SHANK2: variants seen among roughly 807,000 people sequenced by gnomAD.
SHANK2 encodes the protein SH3 and multiple ankyrin repeat domains protein 2.
SHANK2 carries 43 observed loss-of-function variants against 133.7 expected under a neutral mutation model. The ratio of observed to expected loss-of-function variants is 0.32; its 90% CI spans 0.25 to 0.41. The LOEUF (loss-of-function observed/expected upper bound fraction) is 0.41, where lower values mean the gene tolerates loss of function less well. SHANK2 is among the 10% of genes least tolerant of loss of function. The pLI is 1.00. For synonymous variants in SHANK2, 1,017 were observed against 952.8 expected, an observed-to-expected ratio of 1.07 and a Z score of -1.24; for missense variants, 1,994 against 2,235.8, an observed-to-expected ratio of 0.89 and a Z score of 2.18.
chr11:70,817,142 C>G (rs1555054571), intron 12 of SHANK2, among the ~76,000 whole-genome samples: 1 of 152,228 alleles, frequency 6.6e-6, no homozygotes, highest in African/African-American at 2.4e-5. Context: ...AGAAGCATGC[C>G]TGCCTCCAAC....
chr11:70,486,874 T>C lies in SHANK2; in HGVS notation c.3419A>G (p.Gln1140Arg). The C allele has an allele frequency of 6.2e-7, 1 of 1,612,754 alleles. No homozygotes were observed. The highest frequency in any genetic ancestry group is 8.5e-7 in the Non-Finnish European group (1 of 1,179,924). The stretch of plus-strand genomic sequence containing the variant: ...GGCACTCGGCATGGGGGATGACAGC[T>C]GCTCAGCGCTGTCCTCGTCAGCAAA... ...GDFADEDSAE[Q>R]LSSPMPSATP... Residue 1140 changes from glutamine to arginine, a missense_variant, in exon 25 of 26, where the codon CAG becomes CGG. This residue lies in a region of SHANK2 where 797 missense variants were observed against 907.4 expected (regional missense o/e 0.88). Transcript: ENST00000601538. The surrounding 1 kb of genome is among the most constrained non-coding windows in gnomAD (Gnocchi z 8.0).
rs1398523984 is a variant in SHANK2, at chr11:71,175,491, G to C, written c.-12-28153C>G. Among the ~76,000 whole-genome samples, 1 of 150,658 alleles carries C rather than the reference G, an allele frequency of 6.6e-6. No homozygotes were observed. Among genetic ancestry groups the C allele is most frequent in the Admixed American group, 6.6e-5 (1 of 15,070 alleles). On this transcript the variant is annotated intron_variant, in intron 2 of 25. Transcript: ENST00000601538. This position sits in a 1 kb window ranked among gnomAD's most constrained non-coding sequence, Gnocchi z 4.2. ...GACCAAGGCTGGTGAAAGAGAAGTG[G>C]GGACAAAAAAGGCAGAGGGGCAGAA...
intron 12 of SHANK2, among the ~76,000 whole-genome samples, chr11:70,812,414 C>G (rs1948298534): frequency 6.6e-6 from 1 of 152,216 alleles, no homozygotes; most frequent in Admixed American, 6.5e-5. Flanking sequence ...CCCACAAAGG[C>G]AGAAGGTGAA....
intron 11 of SHANK2, among the ~76,000 whole-genome samples, chr11:70,891,444 G>A (rs537137598): frequency 8.6e-5 from 13 of 151,510 alleles, no homozygotes; most frequent in African/African-American, 3.1e-4. Context: ...GGAGCTTGCA[G>A]TGAGCCGAGA....
chr11:70,782,880 G>T (rs1947537332), intron 14 of SHANK2, among the ~76,000 whole-genome samples: 1 of 152,158 alleles, frequency 6.6e-6, no homozygotes, highest in Non-Finnish European at 1.5e-5. Flanking sequence ...GTAGTGAGCT[G>T]GTGACACGTG....
At chr11:71,208,470 G>C (rs1343394058) in intron 2 of SHANK2, among the ~76,000 whole-genome samples, 3 of 152,086 alleles carry the variant, frequency 2.0e-5, no homozygotes, top group African/African-American at 7.2e-5. Context: ...ATAGCTCCAG[G>C]GGACATTACG....
At chr11:70,869,248 C>T (rs149258612) in intron 11 of SHANK2, among the ~76,000 whole-genome samples, 27 of 152,324 alleles carry the variant, frequency 1.8e-4, no homozygotes, top group Admixed American at 1.6e-3. Flanking sequence ...GTGTAAGCCT[C>T]CCTGTCTGTG....
At chr11:70,601,318 C>T (rs1554991043) in intron 17 of SHANK2, among the ~76,000 whole-genome samples, 1 of 151,756 alleles carries the variant, frequency 6.6e-6, no homozygotes, top group East Asian at 1.9e-4. Context: ...CTCCTGGATT[C>T]AAGTGATTCT....
At chr11:71,221,349 T>C (rs1375103047) in intron 2 of SHANK2, among the ~76,000 whole-genome samples, 1 of 152,190 alleles carries the variant, frequency 6.6e-6, no homozygotes, top group African/African-American at 2.4e-5. Context: ...AGCTTCTGGT[T>C]GGGCACAAGG....
chr11:70,506,574 C>T (rs146929411), intron 17 of SHANK2, among the ~76,000 whole-genome samples: 8 of 152,332 alleles, frequency 5.3e-5, no homozygotes, highest in African/African-American at 1.9e-4. Context: ...GCCCCTCTGA[C>T]GTCCAGAATC....
At chr11:70,566,959 C>T (rs1448200968) in intron 17 of SHANK2, among the ~76,000 whole-genome samples, 1 of 152,204 alleles carries the variant, frequency 6.6e-6, no homozygotes, top group Admixed American at 6.5e-5. Context: ...CGGCTAAACA[C>T]GATCAAAGAA....
chr11:70,597,729 T>C (rs2060420430), intron 17 of SHANK2, among the ~76,000 whole-genome samples: 1 of 152,092 alleles, frequency 6.6e-6, no homozygotes, highest in Non-Finnish European at 1.5e-5. Flanking sequence ...AAAAATTAGC[T>C]GGGCAGAATG....
At chr11:70,761,391 C>T (rs1471747289) in intron 14 of SHANK2, among the ~76,000 whole-genome samples, 1 of 152,120 alleles carries the variant, frequency 6.6e-6, no homozygotes, top group Non-Finnish European at 1.5e-5. Context: ...GTGAGAAAAT[C>T]GATTTCTGGT....
chr11:70,796,233 G>C (rs782387227), intron 14 of SHANK2, among the ~76,000 whole-genome samples: 24 of 152,154 alleles, frequency 1.6e-4, no homozygotes, highest in Non-Finnish European at 2.5e-4. Context: ...AAAGCCCACA[G>C]GAGAGAGGAG....
rs141044188 is a variant in SHANK2 at position 70,833,444 on chromosome 11, G to A, written c.1175-12762C>T. Among the ~76,000 whole-genome samples, 45 of 152,318 alleles carry A rather than the reference G, an allele frequency of 3.0e-4. 1 individual carries two copies. In the East Asian group the frequency reaches 8.1e-3, roughly 27 times the overall value. On this transcript the variant is annotated intron_variant, in intron 11 of 25. Transcript: ENST00000601538. Reference sequence around the variant, plus strand: ...GGTAGAGCCCGTGAGGCTGGGTCTCGGGCAAGAGAGCTGGGCATGCGACAT... The same window carrying A: ...GGTAGAGCCCGTGAGGCTGGGTCTCAGGCAAGAGAGCTGGGCATGCGACAT...
At chr11:71,245,007 T>C (rs1396626813) in intron 1 of SHANK2, among the ~76,000 whole-genome samples, 1 of 150,328 alleles carries the variant, frequency 6.7e-6, no homozygotes, top group Non-Finnish European at 1.5e-5. Flanking sequence ...CTATTTTTTT[T>C]CCTCACTCTG....
rs187558514 is a variant in SHANK2, at chr11:70,678,391, C to T, written c.1854-16713G>A. Among the ~76,000 whole-genome samples, 216 of 152,240 alleles carry T rather than the reference C, an allele frequency of 1.4e-3. 1 individual carries two copies. The highest frequency in any genetic ancestry group is 4.9e-3 in the African/African-American group (204 of 41,544). On this transcript the variant is annotated intron_variant, in intron 15 of 25. Transcript: ENST00000601538. ...TCAAGGAATCCTGATGCCTCAGCCT[C>T]CCAAGGTGCTGGGATTCCAGGCATG...
intron 6 of SHANK2, among the ~76,000 whole-genome samples, chr11:71,102,837 C>G (rs889708572): frequency 2.6e-5 from 4 of 152,200 alleles, no homozygotes; most frequent in African/African-American, 4.8e-5. Flanking sequence ...AGTGACTGGC[C>G]CAGACTGGGC....
intron 17 of SHANK2, among the ~76,000 whole-genome samples, chr11:70,619,578 G>A (rs1219991228): frequency 1.3e-5 from 2 of 152,194 alleles, no homozygotes; most frequent in Non-Finnish European, 2.9e-5. Context: ...TCCCATGGAA[G>A]GCAGTCGGTC....
Sources: gnomAD v4.1 joint callset for allele counts (sites outside exome capture counted in the v4.1 genomes callset) on GRCh38, gnomAD v4.1.1 for gene constraint, gnomAD v4.1.1 regional missense constraint, Gnocchi (gnomAD v3.1) non-coding constraint, MANE v1.5 for transcripts, NCBI Gene and HGNC (gene_info 2026-07-23, HGNC 2026-07-21) for gene names.